The following SUCLG2 variants were observed in gnomAD, a reference collection of about 807,000 sequenced individuals.
The protein encoded by SUCLG2 is succinate-CoA ligase GDP-forming subunit beta, also known as succinate--CoA ligase [GDP-forming] subunit beta, mitochondrial.
Under a neutral mutation model 47.9 loss-of-function variants are expected in SUCLG2, and 42 were observed. The ratio of observed to expected loss-of-function variants is 0.88; its 90% CI spans 0.69 to 1.14. SUCLG2 has a LOEUF of 1.14. Ranked by LOEUF, SUCLG2 falls within the 50% of genes most tolerant of loss-of-function variation. SUCLG2 has a pLI of 0.00. For missense variants in SUCLG2, 571 were observed against 525.9 expected (o/e 1.09, Z -0.84); for synonymous variants, 195 against 197.3 (o/e 0.99, Z 0.10).
chr3:67,651,743 A>G (rs750321911), intron 1 of SUCLG2, among the ~76,000 whole-genome samples: 2 of 152,276 alleles, frequency 1.3e-5, no homozygotes, highest in Non-Finnish European at 2.9e-5. Context: ...GTAATTGTTC[A>G]TTTTTCAGTA....
At chr3:67,404,711 T>C (rs1272554435) in intron 9 of SUCLG2, among the ~76,000 whole-genome samples, 1 of 152,130 alleles carries the variant, frequency 6.6e-6, no homozygotes, top group Admixed American at 6.5e-5. Context: ...TTAATGGAAA[T>C]CTGATTTAAG....
At chr3:67,627,946 G>GA (rs1700863180) in intron 1 of SUCLG2, among the ~76,000 whole-genome samples, 1 of 152,158 alleles carries the variant, frequency 6.6e-6, no homozygotes, top group African/African-American at 2.4e-5. Flanking sequence ...GGGGGTGGGG[G>GA]ACACTGCCTC....
rs566296119 is a variant in SUCLG2 at position 67,583,999 on chromosome 3, T to A, written c.226+25456A>T. On this transcript the variant is annotated intron_variant, in intron 2 of 10. Transcript: ENST00000307227. ...CTTTTTGCCATGTAATACCACATATTCAAGGGCACAAAACTAGGGGTAAAA... is the reference window on the plus strand; with the variant it reads ...CTTTTTGCCATGTAATACCACATATACAAGGGCACAAAACTAGGGGTAAAA... Among the ~76,000 whole-genome samples the A allele has an allele frequency of 3.9e-5, 6 of 152,296 alleles. No individual in the cohort carries two copies. The East Asian group carries it at 1.2e-3, about 29-fold the overall frequency.
At chr3:67,566,043 G>A (rs1436375740) in intron 2 of SUCLG2, among the ~76,000 whole-genome samples, 3 of 152,314 alleles carry the variant, frequency 2.0e-5, no homozygotes, top group Middle Eastern at 3.4e-3. Flanking sequence ...AATCAGGCAA[G>A]GAGAGTATAG....
At chr3:67,431,003 A>T (rs1240709215) in intron 9 of SUCLG2, among the ~76,000 whole-genome samples, 1 of 152,216 alleles carries the variant, frequency 6.6e-6, no homozygotes, top group East Asian at 1.9e-4. Flanking sequence ...ACGGATTCAC[A>T]GCCGAATTCT....
intron 10 of SUCLG2, among the ~76,000 whole-genome samples, chr3:67,396,635 C>G (rs1304964908): frequency 1.3e-5 from 2 of 152,050 alleles, no homozygotes; most frequent in African/African-American, 2.4e-5. Context: ...CTACTCTAAT[C>G]AATAGAAAAA....
At chr3:67,610,049 T>C (rs1700499898) in intron 1 of SUCLG2, among the ~76,000 whole-genome samples, 1 of 152,118 alleles carries the variant, frequency 6.6e-6, no homozygotes, top group Non-Finnish European at 1.5e-5. Context: ...TGGATATGGC[T>C]CCCCCCTTCT....
intron 9 of SUCLG2, among the ~76,000 whole-genome samples, chr3:67,421,508 C>A: frequency 6.6e-6 from 1 of 152,170 alleles, no homozygotes; most frequent in East Asian, 1.9e-4. Context: ...CTCAGGACCT[C>A]AATAACATCA....
intron 2 of SUCLG2, among the ~76,000 whole-genome samples, chr3:67,568,081 G>A (rs1044115790): frequency 6.6e-5 from 10 of 152,210 alleles, no homozygotes; most frequent in African/African-American, 2.2e-4. Flanking sequence ...TTGTGTGTGT[G>A]AGAGAGACCA....
chr3:67,592,569 T>C (rs1708189319), intron 2 of SUCLG2, among the ~76,000 whole-genome samples: 1 of 152,086 alleles, frequency 6.6e-6, no homozygotes, highest in Non-Finnish European at 1.5e-5. Flanking sequence ...TCCCCACATA[T>C]GAACAGGTGT....
At chr3:67,498,694 TATTA>T (rs767703860) in intron 7 of SUCLG2, among the ~76,000 whole-genome samples, 10 of 152,324 alleles carry the variant, frequency 6.6e-5, no homozygotes, top group South Asian at 2.1e-4. Context: ...TAGACAATAT[TATTA>T]ATTATTTTGT....
intron 1 of SUCLG2, among the ~76,000 whole-genome samples, chr3:67,653,221 G>T (rs1701319038): frequency 6.6e-6 from 1 of 152,108 alleles, no homozygotes; most frequent in African/African-American, 2.4e-5. Context: ...CCTAGTTCTT[G>T]TTTTTTCTAA....
intron 2 of SUCLG2, among the ~76,000 whole-genome samples, chr3:67,597,647 C>T (rs771087042): frequency 3.3e-5 from 5 of 152,082 alleles, no homozygotes; most frequent in Non-Finnish European, 7.4e-5. Flanking sequence ...ATATTTAAAG[C>T]TCTCATCTTT....
At chr3:67,460,230 A>G (rs569869981) in intron 9 of SUCLG2, among the ~76,000 whole-genome samples, 2 of 152,358 alleles carry the variant, frequency 1.3e-5, no homozygotes, top group African/African-American at 4.8e-5. Flanking sequence ...GTAGCTAAGA[A>G]TAATAACAGT....
At chr3:67,396,393 C>G (rs1702531125) in intron 10 of SUCLG2, among the ~76,000 whole-genome samples, 1 of 152,066 alleles carries the variant, frequency 6.6e-6, no homozygotes, top group Non-Finnish European at 1.5e-5. Flanking sequence ...ACTACAAACA[C>G]CTCTACGCAA....
chr3:67,529,267 C>A, intron 2 of SUCLG2, 81 bp from the exon 3 acceptor site: 1 of 1,023,468 alleles, frequency 9.8e-7, no homozygotes. Context: ...GCAATAATGG[C>A]ACATAACTTC....
intron 9 of SUCLG2, among the ~76,000 whole-genome samples, chr3:67,480,232 C>A (rs1704877202): frequency 6.6e-6 from 1 of 152,054 alleles, no homozygotes; most frequent in East Asian, 1.9e-4. Flanking sequence ...TTAAAGGGAA[C>A]CAGTTGGCTT....
rs1702666296 is a variant in SUCLG2 at position 67,400,800 on chromosome 3, T to C, written c.1114A>G (p.Ile372Val). 2 of 1,612,702 alleles carry C rather than the reference T, an allele frequency of 1.2e-6. No homozygotes were observed. Among genetic ancestry groups the C allele is most frequent in the Admixed American group, 1.7e-5 (1 of 59,816 alleles). Reference sequence around the variant, plus strand: ...CAGGCTTTGGTGATCCCATTGGCAATGATGGCACAGTTGACGATACCACCA... The same window carrying C: ...CAGGCTTTGGTGATCCCATTGGCAACGATGGCACAGTTGACGATACCACCA... Reference protein sequence around the residue: ...IFGGIVNCAIIANGITKACRE... With the variant: ...IFGGIVNCAIVANGITKACRE... The change falls in exon 10 of 11, where the codon ATT becomes GTT. Residue 372 changes from isoleucine to valine, a missense_variant. Physicochemically the swap from Ile to Val is conservative, Grantham distance 29. Coordinates refer to ENST00000307227, the MANE Select transcript of SUCLG2 (RefSeq NM_003848.4).
Position 67,557,443 on chromosome 3 carries a change from G to A in SUCLG2, c.227-28257C>T, listed in dbSNP as rs144123240. ...GAATAAAACAGCCAGTGCCCTCACT[G>A]AGCCCAAGGAGACAGACCCATAAAC... On this transcript the variant is annotated intron_variant, in intron 2 of 10. Transcript: ENST00000307227. 2.3e-3 allele frequency among the ~76,000 whole-genome samples: 355 copies of A among 152,212 alleles called. 5 individuals carry two copies. The highest frequency in any genetic ancestry group is 5.7e-4 in the Non-Finnish European group (39 of 68,012).
Sources: gnomAD v4.1 joint callset for allele counts (sites outside exome capture counted in the v4.1 genomes callset) on GRCh38, gnomAD v4.1.1 for gene constraint, MANE v1.5 for transcripts, NCBI Gene and HGNC (gene_info 2026-07-23, HGNC 2026-07-21) for gene names.